The following EIPR1 variants were observed in gnomAD, a reference collection of about 807,000 sequenced individuals.
EIPR1 encodes EARP and GARP complex-interacting protein 1.
A neutral mutation model predicts 48.1 loss-of-function variants in EIPR1; 25 were observed. That is an observed-to-expected ratio of 0.52 (90% CI 0.38 to 0.73). The LOEUF (loss-of-function observed/expected upper bound fraction) is 0.73. Ranked by LOEUF, EIPR1 falls within the 30% of genes least tolerant of loss-of-function variation. The probability of loss-of-function intolerance (pLI) is 0.00; values close to 1 mark genes in which losing one functional copy is unlikely to be tolerated. For missense variants in EIPR1, 415 were observed against 506.2 expected (o/e 0.82, Z 1.73); for synonymous variants, 204 against 201.9 (o/e 1.01, Z -0.09).
intron 3 of EIPR1, among the ~76,000 whole-genome samples, chr2:3,300,536 C>G (rs1228049874): frequency 6.6e-6 from 1 of 152,212 alleles, no homozygotes; most frequent in South Asian, 2.1e-4. Context: ...CGGCCACATC[C>G]TTGCCTCACA....
At chr2:3,302,203 C>T (rs1668782847) in intron 3 of EIPR1, among the ~76,000 whole-genome samples, 1 of 152,188 alleles carries the variant, frequency 6.6e-6, no homozygotes, top group South Asian at 2.1e-4. Flanking sequence ...TTCCTAAACT[C>T]AATCAGCTTT....
At chr2:3,252,802 T>C (rs1667042344) in intron 4 of EIPR1, among the ~76,000 whole-genome samples, 1 of 152,176 alleles carries the variant, frequency 6.6e-6, no homozygotes, top group African/African-American at 2.4e-5. Context: ...GGCGGGGACC[T>C]GAGGGGCCCT....
At chr2:3,305,137 C>T (rs1475269574) in intron 3 of EIPR1, among the ~76,000 whole-genome samples, 4 of 147,188 alleles carry the variant, frequency 2.7e-5, no homozygotes, top group South Asian at 2.2e-4. Flanking sequence ...GCCCTCCAGT[C>T]CCATCAGTTC....
Position 3,203,419 on chromosome 2 carries a change from C to G in EIPR1, c.517-6402G>C, listed in dbSNP as rs776863569. ...CTCACCAAGGCAGAGAGATAGGTAA[C>G]GTAAATAAACCTGATTGAAGGGGAA... On this transcript the variant is annotated intron_variant, in intron 5 of 8. Transcript: ENST00000382125. 4.0e-4 allele frequency among the ~76,000 whole-genome samples: 61 copies of G among 152,326 alleles called. 1 individual carries two copies. The highest frequency in any genetic ancestry group is 2.7e-3 in the Admixed American group (42 of 15,312).
In EIPR1 at chr2:3,372,299, A is replaced by AC. The variant is rs754113471; in HGVS notation, c.42+5348dup. 4.5e-3 allele frequency among the ~76,000 whole-genome samples: 679 copies of AC among 150,920 alleles called. 4 individuals are homozygous for AC. Among genetic ancestry groups the AC allele is most frequent in the African/African-American group, 0.015 (631 of 40,722 alleles). On this transcript the variant is annotated intron_variant, in intron 1 of 8. Coordinates refer to ENST00000382125, the MANE Select transcript of EIPR1 (RefSeq NM_003310.5). ...AAAGCAGGAAAGATCCAAAATTGAC[A>AC]CCTAACATCACAATTAAAAGAACTA...
chr2:3,302,083 T>C (rs1009341503), intron 3 of EIPR1, among the ~76,000 whole-genome samples: 1 of 152,088 alleles, frequency 6.6e-6, no homozygotes, highest in African/African-American at 2.4e-5. Context: ...ATCTCCAGAG[T>C]GGAACTGAAT....
chr2:3,229,379 T>C (rs753632576), intron 4 of EIPR1, among the ~76,000 whole-genome samples: 16 of 152,260 alleles, frequency 1.1e-4, no homozygotes, highest in Non-Finnish European at 1.6e-4. Context: ...CAGCTGAAGT[T>C]GGTGTCTTTC....
intron 4 of EIPR1, among the ~76,000 whole-genome samples, chr2:3,252,740 G>C (rs10192670): frequency 0.1 from 15,277 of 152,224 alleles, 777 homozygotes; most frequent in South Asian, 0.12. Flanking sequence ...GTCCTCTAAG[G>C]CCAGCTCAGG....
At chr2:3,298,252 T>C (rs945953693) in intron 3 of EIPR1, 6 of 152,344 alleles carry the variant, frequency 3.9e-5, no homozygotes, top group African/African-American at 1.4e-4. Flanking sequence ...GTTTTATTTA[T>C]ATGTCTATTA....
At chr2:3,320,947 TTAAAA>T (rs1180729342) in intron 3 of EIPR1, among the ~76,000 whole-genome samples, 1 of 152,192 alleles carries the variant, frequency 6.6e-6, no homozygotes, top group East Asian at 1.9e-4. Flanking sequence ...AAAAATAAGC[TTAAAA>T]TAAAATGCAA....
intron 5 of EIPR1, among the ~76,000 whole-genome samples, chr2:3,202,297 TC>T: frequency 6.6e-6 from 1 of 152,348 alleles, no homozygotes; most frequent in Admixed American, 6.5e-5. Context: ...TTTGTAGTAT[TC>T]CCTTTAGGTA....
rs541330018 is a variant in EIPR1 at position 3,321,382 on chromosome 2, C to G, written c.259+16635G>C. ...AAATGTATCAGCATCTTGAGTGCAGCAGAGCGTCCTCTGCCCCCGCCGCCC... is the reference window on the plus strand; with the variant it reads ...AAATGTATCAGCATCTTGAGTGCAGGAGAGCGTCCTCTGCCCCCGCCGCCC... On this transcript the variant is annotated intron_variant, in intron 3 of 8. Coordinates refer to ENST00000382125, the MANE Select transcript of EIPR1 (RefSeq NM_003310.5). Among the ~76,000 whole-genome samples the G allele has an allele frequency of 2.6e-5, 4 of 152,302 alleles. No individual in the cohort carries two copies. The South Asian group carries it at 8.3e-4, about 32-fold the overall frequency.
chr2:3,349,117 A>G (rs1236654952), intron 2 of EIPR1, among the ~76,000 whole-genome samples: 1 of 152,204 alleles, frequency 6.6e-6, no homozygotes, highest in African/African-American at 2.4e-5. Flanking sequence ...GCAAGAGCAT[A>G]CCCATGGCAC....
chr2:3,365,208 C>T (rs1370035313), intron 1 of EIPR1, among the ~76,000 whole-genome samples: 5 of 151,418 alleles, frequency 3.3e-5, no homozygotes, highest in African/African-American at 7.3e-5. Context: ...GAGGCCAAGG[C>T]GGAAAGATTG....
At chr2:3,208,603 GTGTC>G (rs1184479539) in intron 5 of EIPR1, 1 of 1,550,664 alleles carries the variant, frequency 6.4e-7, no homozygotes, top group African/African-American at 1.4e-5. Flanking sequence ...AGCTCACTGA[GTGTC>G]TGTTGAATGA....
At chr2:3,246,434 C>A (rs1251898948) in intron 4 of EIPR1, among the ~76,000 whole-genome samples, 3 of 152,190 alleles carry the variant, frequency 2.0e-5, no homozygotes, top group Non-Finnish European at 4.4e-5. Flanking sequence ...CTCAATACCG[C>A]CTTCTGTGCC....
chr2:3,199,088 C>A (rs1009908479), intron 5 of EIPR1, among the ~76,000 whole-genome samples: 2 of 134,186 alleles, frequency 1.5e-5, no homozygotes, highest in Admixed American at 1.5e-4. Flanking sequence ...GGAATGCATT[C>A]TTTTCCCGGG....
chr2:3,340,281 C>T (rs538567254), intron 2 of EIPR1, among the ~76,000 whole-genome samples: 4 of 152,350 alleles, frequency 2.6e-5, no homozygotes, highest in Admixed American at 2.6e-4. Flanking sequence ...ACCACAATCT[C>T]CCAGGAGTAG....
At chr2:3,223,654 T>C (rs1334803769) in intron 4 of EIPR1, among the ~76,000 whole-genome samples, 5 of 152,174 alleles carry the variant, frequency 3.3e-5, no homozygotes, top group Non-Finnish European at 7.4e-5. Flanking sequence ...AAAAGAGGCT[T>C]TGCTTGTGAA....
Sources: gnomAD v4.1 joint callset for allele counts (sites outside exome capture counted in the v4.1 genomes callset) on GRCh38, gnomAD v4.1.1 for gene constraint, MANE v1.5 for transcripts, NCBI Gene and HGNC (gene_info 2026-07-23, HGNC 2026-07-21) for gene names.